Variants in KCNJ4 observed in about 807,000 individuals in gnomAD.
KCNJ4 encodes the protein potassium inwardly rectifying channel subfamily J member 4.
KCNJ4 carries 3 observed loss-of-function variants against 25.6 expected under a neutral mutation model. The ratio of observed to expected loss-of-function variants is 0.12; its 90% CI spans 0.05 to 0.30. KCNJ4 has a LOEUF of 0.30. KCNJ4 is among the 10% of genes least tolerant of loss of function. The probability of loss-of-function intolerance (pLI) is 1.00; values close to 1 mark genes in which losing one functional copy is unlikely to be tolerated. For synonymous variants in KCNJ4, 257 were observed against 283.9 expected (o/e 0.91, Z 0.95); for missense variants, 286 against 666.8 (o/e 0.43, Z 6.29).
intron 1 of KCNJ4, among the ~76,000 whole-genome samples, chr22:38,432,428 G>T (rs1044345512): frequency 1.3e-5 from 2 of 152,114 alleles, no homozygotes; most frequent in African/African-American, 4.8e-5. Context: ...GCAGTTTGAG[G>T]CTTGTTTTCT....
intron 1 of KCNJ4, among the ~76,000 whole-genome samples, chr22:38,439,861 C>T: frequency 6.9e-6 from 1 of 145,662 alleles, no homozygotes; most frequent in South Asian, 2.2e-4. Flanking sequence ...GAGGCCAAGG[C>T]AGGCAGATCA....
In KCNJ4 at chr22:38,434,224, C is replaced by T. The variant is rs548190331; in HGVS notation, c.-39-6053G>A. On this transcript the variant is annotated intron_variant, in intron 1 of 1. Transcript: ENST00000303592. ...CATCTCATGTCATCCCACCACCAGA[C>T]TTCGAGGTGACTATTATTGGGTGAG... 2.0e-5 allele frequency among the ~76,000 whole-genome samples: 3 copies of T among 152,274 alleles called. No homozygotes were observed. In the South Asian group the frequency reaches 6.2e-4, roughly 32 times the overall value.
chr22:38,453,677 G>A (rs2089422542), intron 1 of KCNJ4, among the ~76,000 whole-genome samples: 1 of 152,172 alleles, frequency 6.6e-6, no homozygotes. Context: ...CACAGATGTG[G>A]AAGATGACGG....
chr22:38,443,208 A>C lies in KCNJ4; in HGVS notation c.-40+11772T>G, dbSNP rs918437757. ...CCTCCAGGCCTGAGGGTCCCTCTCC[A>C]GGTCGCCCCTTGCTCTCCTGCCTCT... On this transcript the variant is annotated intron_variant, in intron 1 of 1. Transcript: ENST00000303592. The surrounding 1 kb of genome is among the most constrained non-coding windows in gnomAD (Gnocchi z 4.1). 9.2e-5 allele frequency among the ~76,000 whole-genome samples: 14 copies of C among 151,780 alleles called. No homozygotes were observed. The highest frequency in any genetic ancestry group is 3.4e-4 in the African/African-American group (14 of 41,270).
intron 1 of KCNJ4, among the ~76,000 whole-genome samples, chr22:38,429,540 G>A (rs1049632422): frequency 6.6e-6 from 1 of 152,180 alleles, no homozygotes; most frequent in African/African-American, 2.4e-5. Flanking sequence ...GACCTACGGG[G>A]ACAGCAGGTG....
rs963409304 is a variant in KCNJ4 at position 38,455,110 on chromosome 22, G to A, written c.-170C>T. 1.3e-4 allele frequency: 19 copies of A among 149,476 alleles called. No individual in the cohort carries two copies. The highest frequency in any genetic ancestry group is 4.4e-4 in the African/African-American group (18 of 41,002). The allele number at this position is 149,476 out of a possible 1,614,324, so 9.3% of individuals were successfully genotyped here. A position where few individuals can be genotyped will look rare whatever the true frequency, so the allele number is the denominator to read the frequency against. On this transcript the variant is annotated 5_prime_UTR_variant, in exon 1 of 2. Transcript: ENST00000303592. ...GCGCCCCCTGCCCGCGAACTCGGCC[G>A]GCCGGCCCGCGCTCCCCTCCCCGGC...
intron 1 of KCNJ4, among the ~76,000 whole-genome samples, chr22:38,434,089 C>G (rs988926691): frequency 6.6e-6 from 1 of 152,170 alleles, no homozygotes; most frequent in Non-Finnish European, 1.5e-5. Flanking sequence ...CAGGCCCTGC[C>G]AGAGCCAGGC....
At chr22:38,440,336 G>A (rs367592799) in intron 1 of KCNJ4, among the ~76,000 whole-genome samples, 18 of 152,262 alleles carry the variant, frequency 1.2e-4, no homozygotes, top group African/African-American at 3.8e-4. Flanking sequence ...GAGGTCAGGA[G>A]TTTGAGACTA....
intron 1 of KCNJ4, among the ~76,000 whole-genome samples, chr22:38,437,813 C>T (rs1276857717): frequency 2.0e-5 from 3 of 152,126 alleles, no homozygotes; most frequent in African/African-American, 4.8e-5. Flanking sequence ...GTGTAGAATA[C>T]TCCAGGAGGT....
At position 38,436,639 on chromosome 22, in the gene KCNJ4, C is replaced by T. The variant is rs550078075; in HGVS notation, c.-39-8468G>A. Among the ~76,000 whole-genome samples, 3 of 152,348 alleles carry T rather than the reference C, an allele frequency of 2.0e-5. No homozygotes were observed. In the South Asian group the frequency reaches 6.2e-4, roughly 32 times the overall value. On this transcript the variant is annotated intron_variant, in intron 1 of 1. Transcript: ENST00000303592. ...CGAAATCCTGTGGTACACCTAGCCCCTCCCTCACCAGGCAGCCCTCTGACA... is the reference window on the plus strand; with the variant it reads ...CGAAATCCTGTGGTACACCTAGCCCTTCCCTCACCAGGCAGCCCTCTGACA...
chr22:38,436,557 A>G (rs781676445), intron 1 of KCNJ4, among the ~76,000 whole-genome samples: 23 of 152,160 alleles, frequency 1.5e-4, no homozygotes, highest in Middle Eastern at 3.2e-3. Flanking sequence ...CCAAAAGCGC[A>G]TGCCACATGG....
intron 1 of KCNJ4, among the ~76,000 whole-genome samples, chr22:38,454,411 GAGGAA>G (rs2089426665): frequency 6.6e-6 from 1 of 152,252 alleles, no homozygotes; most frequent in East Asian, 1.9e-4. Flanking sequence ...CCTACACACG[GAGGAA>G]AAAGCAGCCT....
chr22:38,432,280 T>TAAATAAATAAATAAATAAATAAAATA lies in KCNJ4; in HGVS notation c.-39-4110_-39-4109insTATTTTATTTATTTATTTATTTATTT, dbSNP rs1555917613. ...CAAAATAAATAAATAAATAAATAAA[T>TAAATAAATAAATAAATAAATAAAATA]AAATAAAATAAAATAAAATAAAATA... On this transcript the variant is annotated intron_variant, in intron 1 of 1. Coordinates refer to ENST00000303592, the MANE Select transcript of KCNJ4 (RefSeq NM_152868.3). Among the ~76,000 whole-genome samples the TAAATAAATAAATAAATAAATAAAATA allele has an allele frequency of 6.4e-3, 943 of 147,172 alleles. 13 individuals are homozygous for TAAATAAATAAATAAATAAATAAAATA. The highest frequency in any genetic ancestry group is 0.02 in the African/African-American group (753 of 38,546).
intron 1 of KCNJ4, among the ~76,000 whole-genome samples, chr22:38,446,758 C>A: frequency 6.6e-6 from 1 of 152,112 alleles, no homozygotes; most frequent in African/African-American, 2.4e-5. Context: ...GAGTTCGAGA[C>A]CAGCCTGGCC....
In KCNJ4 at chr22:38,445,132, A is replaced by G. The variant is rs76165964; in HGVS notation, c.-40+9848T>C. 4.9e-3 allele frequency among the ~76,000 whole-genome samples: 753 copies of G among 152,132 alleles called. 6 individuals carry two copies. Among genetic ancestry groups the G allele is most frequent in the African/African-American group, 0.017 (703 of 41,498 alleles). On this transcript the variant is annotated intron_variant, in intron 1 of 1. Transcript: ENST00000303592. ...TCCTAGGAAGATGAGGGCAAGCAGGAGGGCACAAGGACAGAGCAGGGCTGG... is the reference window on the plus strand; with the variant it reads ...TCCTAGGAAGATGAGGGCAAGCAGGGGGGCACAAGGACAGAGCAGGGCTGG...
At position 38,443,661 on chromosome 22, in the gene KCNJ4, C is replaced by T. The variant is rs1014372593; in HGVS notation, c.-40+11319G>A. Among the ~76,000 whole-genome samples the T allele has an allele frequency of 1.3e-5, 2 of 152,224 alleles. No individual in the cohort carries two copies. The highest frequency in any genetic ancestry group is 2.9e-5 in the Non-Finnish European group (2 of 68,038). ...GCAAGGCAGGTGCTGTCATCATCATCCCACAGTGGGCTTGGGAGCTTGCCC... is the reference window on the plus strand; with the variant it reads ...GCAAGGCAGGTGCTGTCATCATCATTCCACAGTGGGCTTGGGAGCTTGCCC... On this transcript the variant is annotated intron_variant, in intron 1 of 1. Coordinates refer to ENST00000303592, the MANE Select transcript of KCNJ4 (RefSeq NM_152868.3). This position sits in a 1 kb window ranked among gnomAD's most constrained non-coding sequence, Gnocchi z 4.1.
At chr22:38,442,871 T>C (rs1229217567) in intron 1 of KCNJ4, among the ~76,000 whole-genome samples, 1 of 152,154 alleles carries the variant, frequency 6.6e-6, no homozygotes, top group Non-Finnish European at 1.5e-5. Context: ...GCCTCTCGAA[T>C]AGCTGGGACT....
rs2093032460 is a variant in KCNJ4 at position 38,426,441 on chromosome 22, C to T, written c.*354G>A. On this transcript the variant is annotated 3_prime_UTR_variant, in exon 2 of 2. Coordinates refer to ENST00000303592, the MANE Select transcript of KCNJ4 (RefSeq NM_152868.3). ...CCCCTCCCCAAACTAACCCCCTGCC[C>T]ACCCTGAAACCCCGAGATGTCCCCC... 1 of 187,924 alleles carries T rather than the reference C, an allele frequency of 5.3e-6. No individual in the cohort carries two copies. The highest frequency in any genetic ancestry group is 5.7e-5 in the Admixed American group (1 of 17,482). 11.6% of individuals were successfully genotyped at this position (187,924 alleles called of 1,614,324 possible).
chr22:38,430,900 G>T (rs1046115333), intron 1 of KCNJ4, among the ~76,000 whole-genome samples: 5 of 152,224 alleles, frequency 3.3e-5, no homozygotes, highest in African/African-American at 9.6e-5. Context: ...AAGAGTCCCA[G>T]AGTGGAGCCA....
Sources: gnomAD v4.1 joint callset for allele counts (sites outside exome capture counted in the v4.1 genomes callset) on GRCh38, gnomAD v4.1.1 for gene constraint, Gnocchi (gnomAD v3.1) non-coding constraint, MANE v1.5 for transcripts, NCBI Gene and HGNC (gene_info 2026-07-23, HGNC 2026-07-21) for gene names.